BEND2: variants seen among roughly 807,000 people sequenced by gnomAD.
BEND2 encodes the protein BEN domain-containing protein 2.
In BEND2, 19 loss-of-function variants were observed where a neutral mutation model predicts 43.8. The observed-to-expected ratio is 0.43, with a 90% CI of 0.30 to 0.64. The LOEUF (loss-of-function observed/expected upper bound fraction) is 0.64, where lower values mean the gene tolerates loss of function less well. Ranked by LOEUF, BEND2 falls within the 30% of genes least tolerant of loss-of-function variation. The pLI is 0.11. For missense variants in BEND2, 544 were observed against 574.0 expected (o/e 0.95, Z 0.53); for synonymous variants, 226 against 210.1 (o/e 1.08, Z -0.66).
chrX:18,220,320 T>C (rs978069585), intron 1 of BEND2, among the ~76,000 whole-genome samples: 17 of 112,250 alleles, frequency 1.5e-4, no homozygotes, highest in African/African-American at 5.2e-4. Flanking sequence ...GCGCCGAGAT[T>C]GTTTCCCAGC....
chrX:18,185,119 A>G (rs1019257496), intron 8 of BEND2, among the ~76,000 whole-genome samples: 2 of 110,139 alleles, frequency 1.8e-5, no homozygotes, highest in Non-Finnish European at 3.8e-5. Context: ...CAAAAAAGAC[A>G]AAAGAAAAAA....
intron 11 of BEND2, among the ~76,000 whole-genome samples, chrX:18,174,868 C>T (rs541864843): frequency 2.6e-4 from 27 of 103,549 alleles, no homozygotes; most frequent in Admixed American, 6.5e-4. Context: ...ACATTGGGGA[C>T]GGGGGTTGGG....
chrX:18,216,010 A>T (rs1925663357), intron 2 of BEND2, among the ~76,000 whole-genome samples: 1 of 111,501 alleles, frequency 9.0e-6, no homozygotes, highest in Admixed American at 9.6e-5. Flanking sequence ...TGCTAATGTA[A>T]ATTTCAAATT....
Position 18,177,714 on chromosome X carries a change from G to A in BEND2, c.1485C>T (p.Ala495=), listed in dbSNP as rs148886591. The change falls in exon 10 of 14, where the codon GCC becomes GCT. Residue 495 remains alanine (A), a synonymous_variant. Coordinates refer to ENST00000380033, the MANE Select transcript of BEND2 (RefSeq NM_153346.5). The part of the protein sequence containing the change: ...NVRVLKIHLL[A]VQNMAKPKQA... Reference sequence around the variant, plus strand: ...GCTTAGGTTTGGCCATATTTTGTACGGCCAGCAAATGGATTTTAAGTACTC... The same window carrying A: ...GCTTAGGTTTGGCCATATTTTGTACAGCCAGCAAATGGATTTTAAGTACTC... 1,877 of 1,208,540 alleles carry A rather than the reference G, an allele frequency of 1.6e-3. 27 individuals are homozygous for A. In the East Asian group the frequency reaches 0.042, roughly 27 times the overall value.
intron 1 of BEND2, among the ~76,000 whole-genome samples, chrX:18,219,006 A>G (rs1341866989): frequency 8.9e-6 from 1 of 112,216 alleles, no homozygotes; most frequent in African/African-American, 3.2e-5. Flanking sequence ...CGCCGGGACC[A>G]CTTTGAGGAA....
chrX:18,212,422 G>T, intron 4 of BEND2, 143 bp downstream of exon 4: 2 of 438,496 alleles, frequency 4.6e-6, no homozygotes, highest in Non-Finnish European at 7.7e-6. Flanking sequence ...TCTTCATGGG[G>T]TGTAAGTATA....
At chrX:18,207,641 C>T (rs182710665) in intron 4 of BEND2, among the ~76,000 whole-genome samples, 1 of 112,367 alleles carries the variant, frequency 8.9e-6, no homozygotes, top group East Asian at 2.8e-4. Flanking sequence ...CCTTGGGATA[C>T]TGTTCTAACT....
intron 12 of BEND2, among the ~76,000 whole-genome samples, chrX:18,172,549 C>A (rs996888722): frequency 9.1e-6 from 1 of 110,365 alleles, no homozygotes; most frequent in African/African-American, 3.3e-5. Flanking sequence ...AAAAAATTAG[C>A]CGGGCATGGT....
chrX:18,163,956 G>A lies in BEND2; in HGVS notation c.*1053C>T, dbSNP rs988300398. On this transcript the variant is annotated 3_prime_UTR_variant, in exon 14 of 14. Coordinates refer to ENST00000380033, the MANE Select transcript of BEND2 (RefSeq NM_153346.5). Reference sequence around the variant, plus strand: ...TTAGTTGGATTAAATCTGAATAATGGAAGTTAAAGCCTTTTTGCCCTTTAT... The same window carrying A: ...TTAGTTGGATTAAATCTGAATAATGAAAGTTAAAGCCTTTTTGCCCTTTAT... The A allele has an allele frequency of 1.8e-5, 2 of 111,677 alleles. No homozygotes were observed. The highest frequency in any genetic ancestry group is 3.8e-5 in the Non-Finnish European group (2 of 53,089). 9.2% of individuals were successfully genotyped at this position (111,677 alleles called of 1,213,427 possible).
Position 18,174,154 on chromosome X carries a change from C to T in BEND2, c.1857G>A (p.Met619Ile). ...GRDGGEGCSW[M>I]FQPMNNSKMR... ...TTTTGGAGTTATTCATTGGCTGAAA[C>T]ATCCAAGAACAGCCTTCACCACCAT... The change falls in exon 12 of 14, where the codon ATG becomes ATA. Residue 619 changes from methionine (M) to isoleucine (I), a missense_variant. Physicochemically the swap from Met to Ile is conservative, Grantham distance 10. Transcript: ENST00000380033. 5 of 1,211,196 alleles carry T rather than the reference C, an allele frequency of 4.1e-6. No homozygotes were observed. The highest frequency in any genetic ancestry group is 5.6e-6 in the Non-Finnish European group (5 of 894,920).
intron 9 of BEND2, among the ~76,000 whole-genome samples, chrX:18,179,513 A>G (rs1025306584): frequency 9.0e-6 from 1 of 110,705 alleles, no homozygotes; most frequent in African/African-American, 3.3e-5. Context: ...AAAATAGTTT[A>G]AAGGAATAAG....
intron 8 of BEND2, among the ~76,000 whole-genome samples, chrX:18,187,908 A>G (rs1167067174): frequency 9.0e-6 from 1 of 111,645 alleles, no homozygotes; most frequent in East Asian, 2.8e-4. Context: ...ATGTTCTTAA[A>G]TGATCAGTGG....
At chrX:18,211,115 T>C (rs1400407724) in intron 4 of BEND2, among the ~76,000 whole-genome samples, 1 of 111,755 alleles carries the variant, frequency 8.9e-6, no homozygotes, top group African/African-American at 3.2e-5. Flanking sequence ...TCCCCAAAAA[T>C]GAAAATATTG....
intron 4 of BEND2, among the ~76,000 whole-genome samples, chrX:18,207,205 T>C (rs1051890618): frequency 2.7e-5 from 3 of 112,280 alleles, no homozygotes; most frequent in African/African-American, 9.7e-5. Context: ...ATGATCATGA[T>C]AAACGCCCAA....
At chrX:18,173,238 C>T (rs997633476) in intron 12 of BEND2, among the ~76,000 whole-genome samples, 1 of 111,025 alleles carries the variant, frequency 9.0e-6, no homozygotes, top group East Asian at 2.8e-4. Context: ...GCCTGACGCT[C>T]GCTCAGTTCT....
At chrX:18,185,968 G>A (rs774657026) in intron 8 of BEND2, among the ~76,000 whole-genome samples, 2 of 111,684 alleles carry the variant, frequency 1.8e-5, no homozygotes, top group African/African-American at 6.5e-5. Flanking sequence ...TATAAGAAAT[G>A]CTAAAGAGAC....
At chrX:18,173,045 T>TC (rs900452323) in intron 12 of BEND2, among the ~76,000 whole-genome samples, 2 of 111,382 alleles carry the variant, frequency 1.8e-5, no homozygotes, top group African/African-American at 3.3e-5. Flanking sequence ...GGAGCTTTTT[T>TC]CCCCCTCTTA....
intron 12 of BEND2, 102 bp downstream of exon 12, chrX:18,173,928 A>T: frequency 2.8e-6 from 2 of 703,373 alleles, no homozygotes; most frequent in Non-Finnish European, 4.1e-6. Flanking sequence ...ACACACATAA[A>T]AGTAGAGAGA....
intron 6 of BEND2, among the ~76,000 whole-genome samples, chrX:18,195,902 AAGGG>A (rs747362329): frequency 7.6e-4 from 64 of 84,240 alleles, no homozygotes; most frequent in South Asian, 3.9e-3. Flanking sequence ...GAGACAGAGG[AAGGG>A]AGGGAGGGAG....
Sources: allele counts gnomAD v4.1 joint callset (sites outside exome capture counted in the v4.1 genomes callset), GRCh38; gene constraint gnomAD v4.1.1; transcripts MANE v1.5; gene names NCBI Gene and HGNC (gene_info 2026-07-23, HGNC 2026-07-21).